ART3: variants seen among roughly 807,000 people sequenced by gnomAD.
ART3 encodes the protein ADP-ribosyltransferase 3 (inactive).
ART3 carries 49 observed loss-of-function variants against 48.5 expected under a neutral mutation model. The ratio of observed to expected loss-of-function variants is 1.01; its 90% confidence interval spans 0.80 to 1.28. The LOEUF (loss-of-function observed/expected upper bound fraction) is 1.28, where lower values mean the gene tolerates loss of function less well. Ranked by LOEUF, ART3 falls within the 50% of genes most tolerant of loss-of-function variation. ART3 has a pLI of 0.00. For missense variants in ART3, 438 were observed against 454.3 expected (o/e 0.96, Z 0.33); for synonymous variants, 145 against 157.2 (o/e 0.92, Z 0.58).
At chr4:76,063,535 C>T (rs953498353) in intron 1 of ART3, among the ~76,000 whole-genome samples, 1 of 152,102 alleles carries the variant, frequency 6.6e-6, no homozygotes, top group Non-Finnish European at 1.5e-5. Context: ...CAAAAAGAAA[C>T]TAGGAAAAAA....
chr4:76,018,594 G>C (rs150012392), intron 1 of ART3, among the ~76,000 whole-genome samples: 83 of 152,028 alleles, frequency 5.5e-4, no homozygotes, highest in Non-Finnish European at 1.1e-3. Context: ...TAAAATAAAA[G>C]TTGGAAAGAA....
intron 1 of ART3, among the ~76,000 whole-genome samples, chr4:76,051,822 A>G (rs1267628838): frequency 2.0e-5 from 3 of 151,516 alleles, no homozygotes; most frequent in East Asian, 1.9e-4. Context: ...GATTACTGGC[A>G]TAAGCCACTG....
intron 2 of ART3, 138 bp downstream of exon 2, chr4:76,076,096 C>T: frequency 1.4e-6 from 1 of 704,388 alleles, no homozygotes; most frequent in Non-Finnish European, 2.4e-6. Context: ...GCTCCGCCTC[C>T]CAGGTTCATG....
intron 10 of ART3, chr4:76,105,882 A>G: frequency 1.0e-6 from 1 of 985,420 alleles, no homozygotes; most frequent in Non-Finnish European, 1.2e-6. Flanking sequence ...AGCATCATCC[A>G]AGAACTGTGA....
chr4:76,099,438 C>T (rs1726777971), intron 5 of ART3: 1 of 186,528 alleles, frequency 5.4e-6, no homozygotes, highest in Non-Finnish European at 1.1e-5. Context: ...AATAAAGAAC[C>T]TATTCTAGGG....
chr4:76,097,508 G>A (rs1726275735), intron 3 of ART3, 136 bp from the exon 4 acceptor site: 2 of 695,708 alleles, frequency 2.9e-6, no homozygotes, highest in Non-Finnish European at 4.9e-6. Flanking sequence ...TGCCCAGCCT[G>A]CAATTTGCAT....
intron 4 of ART3, 76 bp downstream of exon 4, chr4:76,097,752 C>T (rs374047567): frequency 3.5e-6 from 4 of 1,138,904 alleles, no homozygotes; most frequent in South Asian, 1.3e-5. Flanking sequence ...GTCAGAGCTA[C>T]CCCACCACTG....
intron 1 of ART3, among the ~76,000 whole-genome samples, chr4:76,019,070 T>C (rs910062594): frequency 2.7e-5 from 4 of 147,104 alleles, no homozygotes; most frequent in African/African-American, 5.0e-5. Context: ...AAAGAACATA[T>C]GCCAGAAAGG....
intron 1 of ART3, among the ~76,000 whole-genome samples, chr4:76,051,894 CTCTCTT>C (rs1235977175): frequency 3.4e-4 from 38 of 111,210 alleles, no homozygotes; most frequent in Admixed American, 5.4e-4. Context: ...ATCTCTCTCT[CTCTCTT>C]TTTTTTTTTT....
chr4:76,101,273 T>C (rs1183634721), intron 8 of ART3, among the ~76,000 whole-genome samples: 2 of 152,236 alleles, frequency 1.3e-5, no homozygotes, highest in Non-Finnish European at 2.9e-5. Flanking sequence ...TGACTAATTA[T>C]TCCCCACATT....
At chr4:76,079,870 T>C (rs1294757956) in intron 2 of ART3, among the ~76,000 whole-genome samples, 2 of 151,768 alleles carry the variant, frequency 1.3e-5, no homozygotes, top group Non-Finnish European at 2.9e-5. Flanking sequence ...AGTTAGTATC[T>C]CTGTCTCTCT....
At chr4:76,050,432 A>G (rs903888029) in intron 1 of ART3, among the ~76,000 whole-genome samples, 1 of 152,212 alleles carries the variant, frequency 6.6e-6, no homozygotes, top group African/African-American at 2.4e-5. Context: ...CGGAGTGTCA[A>G]TTGGTGCATT....
chr4:76,044,652 T>C (rs1045249950), intron 1 of ART3, among the ~76,000 whole-genome samples: 3 of 151,938 alleles, frequency 2.0e-5, no homozygotes, highest in South Asian at 2.1e-4. Context: ...TGTCTGTCCC[T>C]CTTTCTGACT....
intron 1 of ART3, among the ~76,000 whole-genome samples, chr4:76,015,589 A>G (rs1216018267): frequency 1.3e-5 from 2 of 152,246 alleles, no homozygotes; most frequent in Non-Finnish European, 2.9e-5. Flanking sequence ...TTAAATGTAA[A>G]TGAATTAAGC....
intron 3 of ART3, among the ~76,000 whole-genome samples, chr4:76,089,426 C>T (rs1267800746): frequency 6.6e-6 from 1 of 152,106 alleles, no homozygotes; most frequent in African/African-American, 2.4e-5. Flanking sequence ...ATAGAGTTCT[C>T]ACAACATCTG....
At chr4:76,093,799 C>T (rs1481758034) in intron 3 of ART3, among the ~76,000 whole-genome samples, 1 of 152,122 alleles carries the variant, frequency 6.6e-6, no homozygotes, top group African/African-American at 2.4e-5. Flanking sequence ...GAATTTTTAT[C>T]TCTAGAAATT....
At chr4:76,040,438 A>ACACACACACACACT in intron 1 of ART3, among the ~76,000 whole-genome samples, 1 of 64,546 alleles carries the variant, frequency 1.5e-5, no homozygotes, top group Admixed American at 1.7e-4. Flanking sequence ...TACACTGGAT[A>ACACACACACACACT]CACACACACA....
rs74394754 is a variant in ART3, at chr4:76,080,031, A to G, written c.70-1793A>G. The stretch of plus-strand genomic sequence containing the variant: ...TAACAGCTTCTAGCTAAATATGTCT[A>G]TAAAGTCTCCAACTGAGGTCCCTAA... On this transcript the variant is annotated intron_variant, in intron 2 of 11. Transcript: ENST00000355810. Among the ~76,000 whole-genome samples the G allele has an allele frequency of 2.9e-3, 437 of 152,250 alleles. 8 individuals are homozygous for G. In the East Asian group the frequency reaches 0.059, roughly 21 times the overall value.
At chr4:76,016,643 A>C (rs1264016683) in intron 1 of ART3, among the ~76,000 whole-genome samples, 1 of 152,190 alleles carries the variant, frequency 6.6e-6, no homozygotes, top group Non-Finnish European at 1.5e-5. Context: ...AGCCAGGCTT[A>C]TATCCTTCCC....
Sources: allele counts gnomAD v4.1 joint callset (sites outside exome capture counted in the v4.1 genomes callset), GRCh38; gene constraint gnomAD v4.1.1; transcripts MANE v1.5; gene names NCBI Gene and HGNC (gene_info 2026-07-23, HGNC 2026-07-21).